NALCN: variants seen among roughly 807,000 people sequenced by gnomAD.
NALCN encodes the protein sodium leak channel NALCN.
Under a neutral mutation model 225.3 loss-of-function variants are expected in NALCN, and 111 were observed. The observed-to-expected ratio is 0.49, with a 90% CI of 0.42 to 0.58. The LOEUF (loss-of-function observed/expected upper bound fraction) is 0.58. NALCN is among the 20% of genes least tolerant of loss of function. The pLI is 0.00. For missense variants in NALCN, 1,378 were observed against 2,202.4 expected, an observed-to-expected ratio of 0.63 and a Z score of 7.49; for synonymous variants, 764 against 769.0, an observed-to-expected ratio of 0.99 and a Z score of 0.11.
intron 39 of NALCN, among the ~76,000 whole-genome samples, chr13:101,066,677 A>C (rs541538265): frequency 5.6e-4 from 86 of 152,242 alleles, no homozygotes; most frequent in Admixed American, 3.0e-3. Context: ...GATGCCCTGC[A>C]CGCAGGGCTC....
chr13:101,256,790 G>A (rs1484097177), intron 11 of NALCN, among the ~76,000 whole-genome samples: 7 of 140,002 alleles, frequency 5.0e-5, no homozygotes, highest in African/African-American at 1.8e-4. Context: ...TTGAGATGGA[G>A]TCTCACTCTG....
intron 15 of NALCN, among the ~76,000 whole-genome samples, chr13:101,167,557 C>T (rs1278257749): frequency 6.6e-6 from 1 of 152,052 alleles, no homozygotes; most frequent in Non-Finnish European, 1.5e-5. Context: ...TTGTAAGTTG[C>T]CAGGTTAGGT....
chr13:101,373,717 A>G (rs2046605654), intron 6 of NALCN, among the ~76,000 whole-genome samples: 1 of 152,168 alleles, frequency 6.6e-6, no homozygotes, highest in Non-Finnish European at 1.5e-5. Flanking sequence ...CTAAGTTAAG[A>G]CTACATCTTG....
At chr13:101,279,756 G>C (rs1296651806) in intron 10 of NALCN, among the ~76,000 whole-genome samples, 1 of 149,284 alleles carries the variant, frequency 6.7e-6, no homozygotes, top group Non-Finnish European at 1.5e-5. Context: ...GGCGGAGCTT[G>C]CAGTGAGCCG....
chr13:101,189,041 ATTGATT>A (rs1337816214), intron 14 of NALCN, among the ~76,000 whole-genome samples: 1 of 152,144 alleles, frequency 6.6e-6, no homozygotes, highest in African/African-American at 2.4e-5. Flanking sequence ...TCTGCATTTC[ATTGATT>A]TTAAGATGCA....
chr13:101,240,359 C>G (rs553713374), intron 11 of NALCN, among the ~76,000 whole-genome samples: 2 of 151,578 alleles, frequency 1.3e-5, no homozygotes, highest in Admixed American at 1.3e-4. Context: ...CTCTCTCTAT[C>G]TATCTATGTA....
chr13:101,222,260 A>G (rs2040968759), intron 13 of NALCN, among the ~76,000 whole-genome samples: 1 of 151,994 alleles, frequency 6.6e-6, no homozygotes, highest in African/African-American at 2.4e-5. Context: ...CCCTTCAGGT[A>G]TTTTCTTCTC....
At chr13:101,279,848 T>TAAATA (rs1555328531) in intron 10 of NALCN, among the ~76,000 whole-genome samples, 1 of 89,532 alleles carries the variant, frequency 1.1e-5, no homozygotes, top group East Asian at 3.0e-4. Flanking sequence ...AATAAATAAA[T>TAAATA]AAATAAATAA....
chr13:101,149,210 G>A (rs1031253528), intron 15 of NALCN, among the ~76,000 whole-genome samples: 8 of 151,720 alleles, frequency 5.3e-5, no homozygotes, highest in Admixed American at 2.6e-4. Flanking sequence ...GGAGAATGGC[G>A]TGAACCCGGG....
At chr13:101,411,443 A>G (rs1042048721) in intron 1 of NALCN, among the ~76,000 whole-genome samples, 3 of 151,620 alleles carry the variant, frequency 2.0e-5, no homozygotes, top group Non-Finnish European at 4.4e-5. Flanking sequence ...CCTGGGTTCA[A>G]ATGATTCGCC....
rs529100890 is a variant in NALCN, at chr13:101,274,621, T to C, written c.1134+9312A>G. On this transcript the variant is annotated intron_variant, in intron 10 of 43. Coordinates refer to ENST00000251127, the MANE Select transcript of NALCN (RefSeq NM_052867.4). ...TGTGTTTCTAAATTATTTCAGAATA[T>C]GTATTTTTTAAATGCAAGGAAATCG... 3.0e-3 allele frequency among the ~76,000 whole-genome samples: 463 copies of C among 152,326 alleles called. 2 individuals are homozygous for C. The highest frequency in any genetic ancestry group is 0.011 in the African/African-American group (437 of 41,572).
At position 101,376,516 on chromosome 13, in the gene NALCN, AAAAAT is replaced by A. The variant is rs149479126; in HGVS notation, c.644+179_644+183del. Among the ~76,000 whole-genome samples, 32,112 of 150,380 alleles carry A rather than the reference AAAAAT, an allele frequency of 0.21. 3,554 individuals are homozygous for A. The highest frequency in any genetic ancestry group is 0.24 in the Non-Finnish European group (16,127 of 67,768). ...TCATGACAGAGCGAGACTCCATCTCAAAAATAAAATAAAATAAAATAAAATAAAAA... is the reference window on the plus strand; with the variant it reads ...TCATGACAGAGCGAGACTCCATCTCAAAAATAAAATAAAATAAAATAAAAA... On this transcript the variant is annotated intron_variant, in intron 6 of 43. Transcript: ENST00000251127.
intron 22 of NALCN, among the ~76,000 whole-genome samples, chr13:101,106,849 T>A (rs530729841): frequency 6.6e-6 from 1 of 152,208 alleles, no homozygotes; most frequent in Non-Finnish European, 1.5e-5. Flanking sequence ...TCTTTATCAG[T>A]GGCATGAAAA....
chr13:101,071,559 C>T (rs2139456872), intron 37 of NALCN, among the ~76,000 whole-genome samples: 1 of 152,336 alleles, frequency 6.6e-6, no homozygotes, highest in South Asian at 2.1e-4. Context: ...TCACCTCTCT[C>T]ACCCTTCATA....
chr13:101,304,912 C>T lies in NALCN; in HGVS notation c.800-12546G>A, dbSNP rs534382901. On this transcript the variant is annotated intron_variant, in intron 7 of 43. Transcript: ENST00000251127. ...CTGCGACTACAGGTCCCTGCCACCA[C>T]GCCCAGCTGATTTTTGTATTTTTAG... Among the ~76,000 whole-genome samples, 384 of 151,852 alleles carry T rather than the reference C, an allele frequency of 2.5e-3. 2 individuals carry two copies. The highest frequency in any genetic ancestry group is 8.9e-3 in the African/African-American group (369 of 41,386).
chr13:101,098,614 G>A (rs78248709), intron 27 of NALCN, among the ~76,000 whole-genome samples: 26 of 152,272 alleles, frequency 1.7e-4, no homozygotes, highest in African/African-American at 5.5e-4. Flanking sequence ...AACTATGGGC[G>A]CAGCAACTGA....
rs150207842 is a variant in NALCN at position 101,164,139 on chromosome 13, T to C, written c.1839+12161A>G. 1.2e-3 allele frequency among the ~76,000 whole-genome samples: 179 copies of C among 152,304 alleles called. 1 individual carries two copies. The highest frequency in any genetic ancestry group is 4.2e-3 in the African/African-American group (174 of 41,570). On this transcript the variant is annotated intron_variant, in intron 15 of 43. Coordinates refer to ENST00000251127, the MANE Select transcript of NALCN (RefSeq NM_052867.4). ...AGTTACATTCACAGGGACTGAGGCGTAGGGCTTCCACGTACCTATTTGAGG... is the reference window on the plus strand; with the variant it reads ...AGTTACATTCACAGGGACTGAGGCGCAGGGCTTCCACGTACCTATTTGAGG...
chr13:101,109,344 A>T (rs1749259722), intron 20 of NALCN, among the ~76,000 whole-genome samples: 1 of 152,154 alleles, frequency 6.6e-6, no homozygotes, highest in African/African-American at 2.4e-5. Flanking sequence ...AACCATGTCT[A>T]TAGGGTATTG....
chr13:101,154,823 G>T (rs9554757), intron 15 of NALCN, among the ~76,000 whole-genome samples: 59,156 of 152,012 alleles, frequency 0.39, 11,982 homozygotes, highest in African/African-American at 0.49. Flanking sequence ...AAGCAAGTCT[G>T]CCGATTTCAG....
Sources: gnomAD v4.1 joint callset for allele counts (sites outside exome capture counted in the v4.1 genomes callset) on GRCh38, gnomAD v4.1.1 for gene constraint, MANE v1.5 for transcripts, NCBI Gene and HGNC (gene_info 2026-07-23, HGNC 2026-07-21) for gene names.